Variants in SF3A1 observed in about 807,000 individuals in gnomAD.
The protein encoded by SF3A1 is SAP 114.
In SF3A1, 13 loss-of-function variants were observed where a neutral mutation model predicts 89.9. That is an observed-to-expected ratio of 0.14 (90% CI 0.09 to 0.23). The LOEUF (loss-of-function observed/expected upper bound fraction) is 0.23. SF3A1 is among the 10% of genes least tolerant of loss of function. The probability of loss-of-function intolerance (pLI) is 1.00; values close to 1 mark genes in which losing one functional copy is unlikely to be tolerated. For synonymous variants in SF3A1, 405 were observed against 374.4 expected (o/e 1.08, Z -0.94); for missense variants, 604 against 1,022.1 (o/e 0.59, Z 5.58).
chr22:30,356,318 C>G (rs570634853), intron 1 of SF3A1, among the ~76,000 whole-genome samples: 1 of 152,332 alleles, frequency 6.6e-6, no homozygotes, highest in East Asian at 1.9e-4. Flanking sequence ...AAAGATGTAC[C>G]GTGCAGGCTG....
chr22:30,334,342 G>T lies in SF3A1; in HGVS notation c.*252C>A, dbSNP rs776661122. On this transcript the variant is annotated 3_prime_UTR_variant, in exon 16 of 16. Transcript: ENST00000215793. ...GTTGCTAATGGGCTGCTGAAGAAAT[G>T]AATGTCCTCAAATCGAGACCCTAAC... 1 of 350,454 alleles carries T rather than the reference G, an allele frequency of 2.9e-6. No homozygotes were observed. Among genetic ancestry groups the T allele is most frequent in the African/African-American group, 2.2e-5 (1 of 46,132 alleles). The allele number at this position is 350,454 out of a possible 1,614,324, so 21.7% of individuals were successfully genotyped here.
At chr22:30,352,813 C>G in intron 2 of SF3A1, 138 bp downstream of exon 2, 2 of 968,482 alleles carry the variant, frequency 2.1e-6, no homozygotes, top group Non-Finnish European at 1.5e-6. Flanking sequence ...TATTGCCTAC[C>G]CCAGTGCCAT....
intron 8 of SF3A1, 115 bp downstream of exon 8, chr22:30,340,580 T>C: frequency 1.2e-6 from 1 of 847,166 alleles, no homozygotes; most frequent in Non-Finnish European, 1.9e-6. Flanking sequence ...GGGCTTGCAA[T>C]GCTTTTACAA....
At chr22:30,339,375 G>A in intron 9 of SF3A1, 124 bp from the exon 10 acceptor site, 2 of 1,215,040 alleles carry the variant, frequency 1.6e-6, no homozygotes, top group Non-Finnish European at 1.2e-6. Flanking sequence ...GTGACTCAGG[G>A]CCCCAACTCT....
Position 30,344,837 on chromosome 22 carries a change from G to A in SF3A1, c.651+96C>T, listed in dbSNP as rs533888402. 3.9e-5 allele frequency: 55 copies of A among 1,394,670 alleles called. 1 individual carries two copies. The South Asian group carries it at 5.1e-4, about 13-fold the overall frequency. 86.4% of individuals were successfully genotyped at this position (1,394,670 alleles called of 1,614,324 possible). Reference sequence around the variant, plus strand: ...TTGCTCAGAGGCCCCATGGAGAAGCGATGTCCTTGTAGACAGTGAGTGGAC... The same window carrying A: ...TTGCTCAGAGGCCCCATGGAGAAGCAATGTCCTTGTAGACAGTGAGTGGAC... On this transcript the variant is annotated intron_variant, in intron 4 of 15. Transcript: ENST00000215793.
intron 4 of SF3A1, 162 bp downstream of exon 4, chr22:30,344,771 A>C: frequency 1.2e-6 from 1 of 814,708 alleles, no homozygotes; most frequent in African/African-American, 1.7e-5. Context: ...AAATAACTGA[A>C]TAGAAATCAA....
chr22:30,353,499 T>G (rs776494636), intron 1 of SF3A1, among the ~76,000 whole-genome samples: 2 of 152,250 alleles, frequency 1.3e-5, no homozygotes, highest in African/African-American at 2.4e-5. Context: ...CACCTGGCCC[T>G]GGTGGTTAAA....
Position 30,352,001 on chromosome 22 carries a change from CA to C in SF3A1, c.185+949del, listed in dbSNP as rs549489899. Among the ~76,000 whole-genome samples the C allele has an allele frequency of 8.0e-4, 122 of 152,344 alleles. 1 individual carries two copies. The highest frequency in any genetic ancestry group is 2.8e-3 in the African/African-American group (115 of 41,572). On this transcript the variant is annotated intron_variant, in intron 2 of 15. Transcript: ENST00000215793. ...TGAGGGTAAGTACAGTGGGGAGAGACAGGGGGAACTCGGAGCAATTCCCATT... is the reference window on the plus strand; with the variant it reads ...TGAGGGTAAGTACAGTGGGGAGAGACGGGGGAACTCGGAGCAATTCCCATT...
At position 30,332,331 on chromosome 22, in the gene SF3A1, T is replaced by A. The variant is rs954595950; in HGVS notation, c.*2263A>T. 3 of 152,234 alleles carry A rather than the reference T, an allele frequency of 2.0e-5. No homozygotes were observed. The highest frequency in any genetic ancestry group is 7.2e-5 in the African/African-American group (3 of 41,464). 9.4% of individuals were successfully genotyped at this position (152,234 alleles called of 1,614,324 possible). ...TCTACAATTCCTGGAGCCCTCTGCA[T>A]GCAAGTCTTCAAAATTATGGTGACT... On this transcript the variant is annotated 3_prime_UTR_variant, in exon 16 of 16. Transcript: ENST00000215793.
intron 1 of SF3A1, among the ~76,000 whole-genome samples, chr22:30,353,336 C>A (rs907454516): frequency 6.6e-6 from 1 of 152,194 alleles, no homozygotes; most frequent in Admixed American, 6.5e-5. Flanking sequence ...TGCATTTTTA[C>A]TATGGTATGA....
chr22:30,351,302 A>T (rs1931586160), intron 2 of SF3A1, among the ~76,000 whole-genome samples: 1 of 141,350 alleles, frequency 7.1e-6, no homozygotes, highest in Non-Finnish European at 1.6e-5. Context: ...CATGTCATTT[A>T]AAAAAAAAAA....
At chr22:30,339,553 C>T (rs953477455) in intron 9 of SF3A1, among the ~76,000 whole-genome samples, 3 of 152,102 alleles carry the variant, frequency 2.0e-5, no homozygotes, top group Non-Finnish European at 4.4e-5. Context: ...GTCAGGAGTT[C>T]GAGACCAGCA....
intron 7 of SF3A1, 120 bp from the exon 8 acceptor site, chr22:30,340,932 TA>T (rs1931232434): frequency 1.5e-6 from 1 of 665,012 alleles, no homozygotes; most frequent in Non-Finnish European, 2.6e-6. Context: ...GTCCATGTGC[TA>T]AGCCTCCCAG....
Position 30,340,821 on chromosome 22 carries a change from C to A in SF3A1, c.1072-9G>T, listed in dbSNP as rs1931228354. On this transcript the variant is annotated splice_polypyrimidine_tract_variant and intron_variant, in intron 7 of 15. Coordinates refer to ENST00000215793, the MANE Select transcript of SF3A1 (RefSeq NM_005877.6). The stretch of plus-strand genomic sequence containing the variant: ...TCTTCATCATCTGAACCCTGAAAAG[C>A]AAAGCAATGGCAGGACTCAGAGAGG... The A allele has an allele frequency of 2.7e-6, 4 of 1,500,030 alleles. No individual in the cohort carries two copies. Among genetic ancestry groups the A allele is most frequent in the South Asian group, 1.1e-5 (1 of 87,428 alleles). The allele number at this position is 1,500,030 out of a possible 1,614,324, so 92.9% of individuals were successfully genotyped here.
At chr22:30,354,924 T>TG (rs754353202) in intron 1 of SF3A1, among the ~76,000 whole-genome samples, 5 of 152,170 alleles carry the variant, frequency 3.3e-5, no homozygotes, top group Non-Finnish European at 7.4e-5. Flanking sequence ...ACCCGGTCTC[T>TG]TAAAAAAAAC....
At chr22:30,353,198 C>A in intron 1 of SF3A1, 126 bp from the exon 2 acceptor site, 2 of 1,210,892 alleles carry the variant, frequency 1.7e-6, no homozygotes, top group Non-Finnish European at 2.3e-6. Flanking sequence ...CAGGTTAGAA[C>A]CCTCTACTTC....
At position 30,356,711 on chromosome 22, in the gene SF3A1, AG is replaced by A; in HGVS notation, c.63+18del. ...AGGCCAACCCTCCGGCTGCAGGCTGAGGGGCGGGGGAGAGGTACCTGTTTGG... is the reference window on the plus strand; with the variant it reads ...AGGCCAACCCTCCGGCTGCAGGCTGAGGGCGGGGGAGAGGTACCTGTTTGG... On this transcript the variant is annotated intron_variant, in intron 1 of 15. Coordinates refer to ENST00000215793, the MANE Select transcript of SF3A1 (RefSeq NM_005877.6). 1 of 1,472,682 alleles carries A rather than the reference AG, an allele frequency of 6.8e-7. No homozygotes were observed. The highest frequency in any genetic ancestry group is 9.0e-7 in the Non-Finnish European group (1 of 1,106,790). The allele number at this position is 1,472,682 out of a possible 1,614,324, so 91.2% of individuals were successfully genotyped here. A position where few individuals can be genotyped will look rare whatever the true frequency, so the allele number is the denominator to read the frequency against.
chr22:30,342,440 C>A, intron 5 of SF3A1, 90 bp from the exon 6 acceptor site: 2 of 1,392,478 alleles, frequency 1.4e-6, no homozygotes, highest in East Asian at 2.5e-5. Flanking sequence ...TCAAAGTCAG[C>A]GCCTCCTTCG....
Position 30,345,040 on chromosome 22 carries a change from G to A in SF3A1, c.544C>T (p.Leu182=). 1 of 1,614,256 alleles carries A rather than the reference G, an allele frequency of 6.2e-7. No individual in the cohort carries two copies. The highest frequency in any genetic ancestry group is 1.1e-5 in the South Asian group (1 of 91,088). Residue 182 remains leucine (L), a synonymous_variant, in exon 4 of 16, where the codon CTG becomes TTG. Coordinates refer to ENST00000215793, the MANE Select transcript of SF3A1 (RefSeq NM_005877.6). ...TGCTCTTTCTGCATCAGCTGGGTCA[G>A]AAACTGGCGCCCATTCCTGGCCACA... ...QFVARNGRQF[L]TQLMQKEQRN... is the part of the protein sequence containing the mutation.
Sources: gnomAD v4.1 joint callset for allele counts (sites outside exome capture counted in the v4.1 genomes callset) on GRCh38, gnomAD v4.1.1 for gene constraint, MANE v1.5 for transcripts, NCBI Gene and HGNC (gene_info 2026-07-23, HGNC 2026-07-21) for gene names.